The following CAB39L variants were observed in gnomAD, a reference collection of about 807,000 sequenced individuals.
The protein encoded by CAB39L is calcium-binding protein 39-like.
Under a neutral mutation model 39.1 loss-of-function variants are expected in CAB39L, and 23 were observed. That is an observed-to-expected ratio of 0.59 (90% CI 0.42 to 0.83). The LOEUF (loss-of-function observed/expected upper bound fraction) is 0.83, where lower values mean the gene tolerates loss of function less well. Ranked by LOEUF, CAB39L falls within the 40% of genes least tolerant of loss-of-function variation. The pLI, the probability that CAB39L is intolerant of heterozygous loss-of-function variation, is 0.00. For missense variants in CAB39L, 366 were observed against 391.9 expected, an observed-to-expected ratio of 0.93 and a Z score of 0.56; for synonymous variants, 126 against 137.2, an observed-to-expected ratio of 0.92 and a Z score of 0.57.
At chr13:49,315,177 C>G (rs988637971) in intron 10 of CAB39L, among the ~76,000 whole-genome samples, 11 of 152,188 alleles carry the variant, frequency 7.2e-5, no homozygotes, top group African/African-American at 2.4e-4. Flanking sequence ...GTCATGGACT[C>G]ACTCACACAG....
chr13:49,329,256 G>T (rs1331138629), intron 10 of CAB39L, among the ~76,000 whole-genome samples: 3 of 151,966 alleles, frequency 2.0e-5, no homozygotes, highest in Non-Finnish European at 2.9e-5. Context: ...CTTCAAAATT[G>T]CCATAGATAA....
chr13:49,342,011 T>C (rs909609468), intron 8 of CAB39L, among the ~76,000 whole-genome samples: 1 of 152,164 alleles, frequency 6.6e-6, no homozygotes, highest in Non-Finnish European at 1.5e-5. Context: ...TAATCTTAAA[T>C]TGAAGGACAA....
At chr13:49,431,644 C>T (rs1853324) in intron 3 of CAB39L, among the ~76,000 whole-genome samples, 119,962 of 151,844 alleles carry the variant, frequency 0.79, 48,168 homozygotes, top group African/African-American at 0.93. Flanking sequence ...GAGGTGGAGG[C>T]TGCAGTGAGC....
chr13:49,396,689 T>C (rs1409412416), intron 3 of CAB39L, among the ~76,000 whole-genome samples: 1 of 151,856 alleles, frequency 6.6e-6, no homozygotes, highest in Non-Finnish European at 1.5e-5. Context: ...GCCTGGGTGA[T>C]ATAGCGAGAT....
chr13:49,353,203 C>A (rs1323491025), intron 6 of CAB39L, among the ~76,000 whole-genome samples: 1 of 152,186 alleles, frequency 6.6e-6, no homozygotes, highest in Non-Finnish European at 1.5e-5. Flanking sequence ...CTAGCAATTT[C>A]TCTTATTAGA....
At chr13:49,420,512 C>G (rs1223053957) in intron 3 of CAB39L, 2 of 152,296 alleles carry the variant, frequency 1.3e-5, no homozygotes, top group African/African-American at 2.4e-5. Context: ...TATAAAAGCT[C>G]AATTTTCCAG....
At chr13:49,409,831 T>G (rs995781517) in intron 3 of CAB39L, among the ~76,000 whole-genome samples, 1 of 151,240 alleles carries the variant, frequency 6.6e-6, no homozygotes, top group Non-Finnish European at 1.5e-5. Flanking sequence ...TCCTAAGCAG[T>G]CTGGCAGGAA....
At chr13:49,394,576 A>G (rs1197277579) in intron 3 of CAB39L, among the ~76,000 whole-genome samples, 1 of 152,166 alleles carries the variant, frequency 6.6e-6, no homozygotes, top group African/African-American at 2.4e-5. Flanking sequence ...CTTTACATGC[A>G]AAAATGTTTA....
intron 9 of CAB39L, among the ~76,000 whole-genome samples, chr13:49,335,368 C>G (rs1290848617): frequency 2.0e-5 from 3 of 152,086 alleles, no homozygotes; most frequent in Non-Finnish European, 4.4e-5. Context: ...AAATTCTATC[C>G]AATCTATCCT....
In CAB39L at chr13:49,395,589, A is replaced by G. The variant is rs1195871640; in HGVS notation, c.-31-12648T>C. 2.6e-5 allele frequency among the ~76,000 whole-genome samples: 4 copies of G among 152,204 alleles called. No homozygotes were observed. The East Asian group carries it at 7.7e-4, about 29-fold the overall frequency. On this transcript the variant is annotated intron_variant, in intron 3 of 10. Coordinates refer to ENST00000409308, the MANE Select transcript of CAB39L (RefSeq NM_001079670.3). ...GATTTCTTTGGCTATAAAGTTTCAT[A>G]AAGAGTAGTACTTGGCTCAGATTCT...
At chr13:49,344,857 C>G (rs1955103000) in intron 7 of CAB39L, among the ~76,000 whole-genome samples, 1 of 152,130 alleles carries the variant, frequency 6.6e-6, no homozygotes, top group Non-Finnish European at 1.5e-5. Flanking sequence ...AGTGTCAAAC[C>G]AGTATTGTTC....
Position 49,311,000 on chromosome 13 carries a change from CAA to C in CAB39L, c.835-9_835-8del. ...GAGGACTGGCCACAAACACCTGAAA[CAA>C]AAAGAAACAAATACTTAGGAGTGCA... On this transcript the variant is annotated splice_region_variant and splice_polypyrimidine_tract_variant and intron_variant, in intron 10 of 10. Transcript: ENST00000409308. 1 of 1,611,100 alleles carries C rather than the reference CAA, an allele frequency of 6.2e-7. No individual in the cohort carries two copies. Among genetic ancestry groups the C allele is most frequent in the Non-Finnish European group, 8.5e-7 (1 of 1,178,366 alleles).
chr13:49,324,711 G>A (rs1263222096), intron 10 of CAB39L, among the ~76,000 whole-genome samples: 2 of 152,228 alleles, frequency 1.3e-5, no homozygotes, highest in African/African-American at 2.4e-5. Flanking sequence ...TGACTTCACA[G>A]ATGGGGTGAG....
intron 3 of CAB39L, among the ~76,000 whole-genome samples, chr13:49,394,760 C>A (rs962277738): frequency 6.6e-6 from 1 of 151,850 alleles, no homozygotes; most frequent in Non-Finnish European, 1.5e-5. Flanking sequence ...GTGTGTCTTA[C>A]AATTGTTGGT....
intron 5 of CAB39L, among the ~76,000 whole-genome samples, chr13:49,367,645 G>A (rs1050124781): frequency 3.3e-5 from 5 of 152,144 alleles, no homozygotes; most frequent in African/African-American, 7.2e-5. Flanking sequence ...GGCCGGGCAC[G>A]GTGGCTCATG....
chr13:49,362,053 A>G (rs953771146), intron 5 of CAB39L, among the ~76,000 whole-genome samples: 1 of 151,874 alleles, frequency 6.6e-6, no homozygotes, highest in African/African-American at 2.4e-5. Flanking sequence ...TAATATACAT[A>G]TTATAAAAAA....
At chr13:49,391,256 C>T (rs888835810) in intron 3 of CAB39L, among the ~76,000 whole-genome samples, 3 of 152,022 alleles carry the variant, frequency 2.0e-5, no homozygotes, top group Non-Finnish European at 4.4e-5. Flanking sequence ...CTATACTTTA[C>T]CAATTATGCA....
intron 1 of CAB39L, among the ~76,000 whole-genome samples, chr13:49,442,714 C>A (rs1386926767): frequency 1.4e-5 from 2 of 143,082 alleles, no homozygotes; most frequent in African/African-American, 2.7e-5. Flanking sequence ...ATCGCTTGAA[C>A]CACGGAGGCA....
chr13:49,328,589 T>C (rs533490827), intron 10 of CAB39L, among the ~76,000 whole-genome samples: 28 of 152,214 alleles, frequency 1.8e-4, no homozygotes, highest in African/African-American at 6.3e-4. Flanking sequence ...CCAGCCATAA[T>C]AGAGGCCAAG....
Sources: gnomAD v4.1 joint callset for allele counts (sites outside exome capture counted in the v4.1 genomes callset) on GRCh38, gnomAD v4.1.1 for gene constraint, MANE v1.5 for transcripts, NCBI Gene and HGNC (gene_info 2026-07-23, HGNC 2026-07-21) for gene names.